KDM8: variants seen among roughly 807,000 people sequenced by gnomAD.
The protein encoded by KDM8 is bifunctional peptidase and arginyl-hydroxylase JMJD5.
A neutral mutation model predicts 46.9 loss-of-function variants in KDM8; 35 were observed. The ratio of observed to expected loss-of-function variants is 0.75; its 90% CI spans 0.57 to 0.99. The LOEUF is 0.99. Among genes scored for constraint, KDM8 ranks in the 50% least tolerant of loss-of-function variants. The probability of loss-of-function intolerance (pLI) is 0.00; values close to 1 mark genes in which losing one functional copy is unlikely to be tolerated. For missense variants in KDM8, 475 were observed against 537.0 expected, an observed-to-expected ratio of 0.88 and a Z score of 1.14; for synonymous variants, 232 against 227.7, an observed-to-expected ratio of 1.02 and a Z score of -0.17.
chr16:27,209,133 G>A (rs532914057), intron 1 of KDM8, among the ~76,000 whole-genome samples: 1 of 152,370 alleles, frequency 6.6e-6, no homozygotes, highest in East Asian at 1.9e-4. Flanking sequence ...ATGCAGCATT[G>A]ACATGGCGCA....
At chr16:27,207,805 G>T (rs189798131) in intron 1 of KDM8, among the ~76,000 whole-genome samples, 1 of 152,114 alleles carries the variant, frequency 6.6e-6, no homozygotes, top group Non-Finnish European at 1.5e-5. Context: ...GGCTGGTCTC[G>T]AATTCTTGGG....
Position 27,203,636 on chromosome 16 carries a change from G to T in KDM8, c.-32G>T, listed in dbSNP as rs2083395557. ...CTCGACACCGTCCCAGCTGAAGAGAGGTTAGTCTGAGCAACTCGAGAGCGG... is the reference window on the plus strand; with the variant it reads ...CTCGACACCGTCCCAGCTGAAGAGATGTTAGTCTGAGCAACTCGAGAGCGG... On this transcript the variant is annotated splice_region_variant and 5_prime_UTR_variant, in exon 1 of 8. In the 5' UTR this introduces an upstream ATG that the reference lacks. Coordinates refer to ENST00000286096, the MANE Select transcript of KDM8 (RefSeq NM_024773.3). 6.3e-6 allele frequency: 1 copy of T among 158,192 alleles called. No individual in the cohort carries two copies. Among genetic ancestry groups the T allele is most frequent in the African/African-American group, 2.4e-5 (1 of 41,620 alleles). 9.8% of individuals were successfully genotyped at this position (158,192 alleles called of 1,614,324 possible). A position where few individuals can be genotyped will look rare whatever the true frequency, so the allele number is the denominator to read the frequency against.
At chr16:27,209,214 G>A (rs1302670356) in intron 1 of KDM8, among the ~76,000 whole-genome samples, 1 of 152,172 alleles carries the variant, frequency 6.6e-6, no homozygotes, top group Non-Finnish European at 1.5e-5. Context: ...GTAGGCCTTG[G>A]GGCAAGTCAC....
At chr16:27,218,870 A>G (rs2083583779) in intron 5 of KDM8, 91 bp from the exon 6 acceptor site, 3 of 1,357,096 alleles carry the variant, frequency 2.2e-6, no homozygotes, top group South Asian at 1.2e-5. Flanking sequence ...CATAATGGAT[A>G]TAGGTATGTG....
chr16:27,217,791 G>A (rs1186017149), intron 5 of KDM8, among the ~76,000 whole-genome samples: 1 of 152,066 alleles, frequency 6.6e-6, no homozygotes, highest in Non-Finnish European at 1.5e-5. Context: ...AAAAAGCCCT[G>A]TGTCCCTCTG....
At chr16:27,209,415 C>T (rs550957310) in intron 1 of KDM8, among the ~76,000 whole-genome samples, 6 of 152,350 alleles carry the variant, frequency 3.9e-5, no homozygotes, top group South Asian at 2.1e-4. Flanking sequence ...TTTGTAGAGA[C>T]GGCGTCTTGC....
chr16:27,204,108 TGCA>T, intron 1 of KDM8: 3 of 1,547,260 alleles, frequency 1.9e-6, no homozygotes, highest in Non-Finnish European at 2.6e-6. Flanking sequence ...CCGCGAGAAA[TGCA>T]GCCCCGGGGA....
chr16:27,210,381 C>T lies in KDM8; in HGVS notation c.258C>T (p.Asp86=), dbSNP rs142165245. The stretch of plus-strand genomic sequence containing the variant: ...AGCTCAACACGGGCACATGGCAGGA[C>T]GTAGACAAAGACTGGCGCCGGGTCT... ...WEKLNTGTWQ[D]VDKDWRRVYA... is the part of the protein sequence containing the mutation. The change falls in exon 2 of 8, where the codon GAC becomes GAT. Residue 86 remains aspartate, a synonymous_variant. Coordinates refer to ENST00000286096, the MANE Select transcript of KDM8 (RefSeq NM_024773.3). 4.7e-5 allele frequency: 76 copies of T among 1,613,224 alleles called. 1 individual carries two copies. Among genetic ancestry groups the T allele is most frequent in the East Asian group, 2.5e-4 (11 of 44,876 alleles).
Position 27,219,064 on chromosome 16 carries a change from C to T in KDM8, c.947C>T (p.Thr316Ile). The change falls in exon 6 of 8, where the codon ACC becomes ATC. Residue 316 changes from threonine to isoleucine, a missense_variant. Thr to Ile is a moderately conservative substitution (Grantham distance 89). Transcript: ENST00000286096. ...TINAWFGPQGTISPLHQDPQQ... is the reference protein window; with the variant it reads ...TINAWFGPQGIISPLHQDPQQ... Reference sequence around the variant, plus strand: ...AATGCCTGGTTTGGTCCCCAGGGAACCATCTCCCCACTACATCAGGATCCC... The same window carrying T: ...AATGCCTGGTTTGGTCCCCAGGGAATCATCTCCCCACTACATCAGGATCCC... 1 of 1,613,798 alleles carries T rather than the reference C, an allele frequency of 6.2e-7. No homozygotes were observed. The highest frequency in any genetic ancestry group is 8.5e-7 in the Non-Finnish European group (1 of 1,179,882).
chr16:27,203,826 C>A, intron 1 of KDM8, 190 bp downstream of exon 1: 1 of 417,542 alleles, frequency 2.4e-6, no homozygotes. Context: ...AGCTCGTCGC[C>A]GGCCTGCCCT....
chr16:27,214,890 A>G lies in KDM8; in HGVS notation c.680A>G (p.Gln227Arg), dbSNP rs376645570. ...CTTTCTGCTAGTTTGGAGTATATCC[A>G]GGAGATCGCTGGCTGCCGAACTGTC... ...CMQKWSLEYI[Q>R]EIAGCRTVPV... The change falls in exon 4 of 8, where the codon CAG (glutamine) becomes CGG (arginine). Residue 227 changes from glutamine to arginine, a missense_variant. Transcript: ENST00000286096. 128 of 1,614,106 alleles carry G rather than the reference A, an allele frequency of 7.9e-5. No homozygotes were observed. Among genetic ancestry groups the G allele is most frequent in the Admixed American group, 3.3e-5 (2 of 60,010 alleles).
intron 2 of KDM8, chr16:27,211,115 T>G (rs1567263113): frequency 2.2e-6 from 1 of 451,974 alleles, no homozygotes; most frequent in East Asian, 7.0e-5. Flanking sequence ...TCCATTCATT[T>G]TCTCTCTTTT....
At chr16:27,207,172 C>G (rs902762998) in intron 1 of KDM8, among the ~76,000 whole-genome samples, 1 of 152,182 alleles carries the variant, frequency 6.6e-6, no homozygotes, top group African/African-American at 2.4e-5. Context: ...CTTTAGGAGG[C>G]TGAGGTGGGT....
Position 27,203,975 on chromosome 16 carries a change from A to C in KDM8, c.-32+339A>C. The C allele has an allele frequency of 4.0e-6, 3 of 758,092 alleles. No homozygotes were observed. The South Asian group carries it at 5.5e-5, about 14-fold the overall frequency. The allele number at this position is 758,092 out of a possible 1,614,324, so 47.0% of individuals were successfully genotyped here. The stretch of plus-strand genomic sequence containing the variant: ...CTTGGCGTCGCGTTGGTGTAGGCCT[A>C]GTGCGCCTGCGCGGGTTTTATACTC... On this transcript the variant is annotated intron_variant, in intron 1 of 7. Transcript: ENST00000286096.
At chr16:27,209,008 A>G (rs2083454013) in intron 1 of KDM8, among the ~76,000 whole-genome samples, 2 of 152,236 alleles carry the variant, frequency 1.3e-5, no homozygotes, top group Non-Finnish European at 2.9e-5. Flanking sequence ...TTCTGGGCAG[A>G]CACTGCCACT....
chr16:27,216,264 T>G (rs1415029111), intron 5 of KDM8: 1 of 532,316 alleles, frequency 1.9e-6, no homozygotes, highest in Non-Finnish European at 3.4e-6. Flanking sequence ...ATTGCTGTGG[T>G]GCAAGGAGAG....
chr16:27,211,121 C>CTCTT, intron 2 of KDM8: 1 of 404,412 alleles, frequency 2.5e-6, no homozygotes, highest in Non-Finnish European at 4.9e-6. Context: ...CATTTTCTCT[C>CTCTT]TTTTTTTTTT....
chr16:27,206,307 C>A, intron 1 of KDM8: 1 of 673,076 alleles, frequency 1.5e-6, no homozygotes, highest in African/African-American at 2.0e-5. Context: ...GACTCTTGCT[C>A]TGTCACCCAA....
At chr16:27,204,806 C>A (rs2083411520) in intron 1 of KDM8, among the ~76,000 whole-genome samples, 1 of 152,226 alleles carries the variant, frequency 6.6e-6, no homozygotes, top group Non-Finnish European at 1.5e-5. Flanking sequence ...AGGCCGATCA[C>A]TTCAGGTCAG....
Sources: allele counts gnomAD v4.1 joint callset (sites outside exome capture counted in the v4.1 genomes callset), GRCh38; gene constraint gnomAD v4.1.1; transcripts MANE v1.5; gene names NCBI Gene and HGNC (gene_info 2026-07-23, HGNC 2026-07-21).